NCKAP5: variants seen among roughly 807,000 people sequenced by gnomAD.
NCKAP5 encodes the protein nck-associated protein 5.
A neutral mutation model predicts 167.0 loss-of-function variants in NCKAP5; 92 were observed. The observed-to-expected ratio is 0.55, with a 90% CI of 0.47 to 0.66. The LOEUF is 0.66. Among genes scored for constraint, NCKAP5 ranks in the 30% least tolerant of loss-of-function variants. NCKAP5 has a pLI of 0.00. For missense variants in NCKAP5, 2,378 were observed against 2,315.0 expected, an observed-to-expected ratio of 1.03 and a Z score of -0.56; for synonymous variants, 891 against 877.4, an observed-to-expected ratio of 1.02 and a Z score of -0.27.
intron 3 of NCKAP5, among the ~76,000 whole-genome samples, chr2:133,308,565 A>T (rs114823701): frequency 0.011 from 1,665 of 152,242 alleles, 21 homozygotes; most frequent in South Asian, 0.018. Context: ...AATCAGATGA[A>T]AGCAAATGAT....
chr2:132,885,187 T>G (rs2148839676), intron 8 of NCKAP5, among the ~76,000 whole-genome samples: 1 of 148,110 alleles, frequency 6.8e-6, no homozygotes, highest in South Asian at 2.2e-4. Context: ...TGCTACCAAC[T>G]TAAGGCAACA....
chr2:133,172,164 T>G (rs2084276101), intron 5 of NCKAP5, among the ~76,000 whole-genome samples: 3 of 152,214 alleles, frequency 2.0e-5, no homozygotes, highest in African/African-American at 7.2e-5. Context: ...GCGTAAAATA[T>G]CTATACTTAA....
At chr2:133,637,490 A>C in the NCKAP5 span, among the ~76,000 whole-genome samples, 1 of 149,412 alleles carries the variant, frequency 6.7e-6, no homozygotes, top group African/African-American at 2.5e-5. Context: ...AAAAAAAAAA[A>C]AAAAAAAAAA....
intron 6 of NCKAP5, among the ~76,000 whole-genome samples, chr2:133,078,976 G>A (rs548245422): frequency 3.0e-4 from 46 of 152,120 alleles, no homozygotes; most frequent in Non-Finnish European, 5.6e-4. Flanking sequence ...CTGGAGGAAC[G>A]AGGCTCTTAG....
intron 4 of NCKAP5, among the ~76,000 whole-genome samples, chr2:133,271,776 A>G (rs901038001): frequency 6.6e-6 from 1 of 152,206 alleles, no homozygotes; most frequent in Non-Finnish European, 1.5e-5. Flanking sequence ...ATTAGCTGAT[A>G]TAATAGAATT....
At chr2:132,790,570 T>C (rs956935133) in intron 12 of NCKAP5, among the ~76,000 whole-genome samples, 1 of 152,196 alleles carries the variant, frequency 6.6e-6, no homozygotes, top group Non-Finnish European at 1.5e-5. Context: ...TGAATGTGTA[T>C]TTTGGCTCCA....
chr2:133,579,347 A>C, the NCKAP5 span, among the ~76,000 whole-genome samples: 2 of 152,232 alleles, frequency 1.3e-5, no homozygotes, highest in African/African-American at 4.8e-5. Flanking sequence ...ATGAAACTAA[A>C]GAAGGAGGTT....
At chr2:132,929,429 T>C (rs532883716) in intron 8 of NCKAP5, among the ~76,000 whole-genome samples, 6 of 152,216 alleles carry the variant, frequency 3.9e-5, no homozygotes, top group Non-Finnish European at 5.9e-5. Flanking sequence ...TGATTTGTGT[T>C]ACCTGAGTTA....
intron 3 of NCKAP5, among the ~76,000 whole-genome samples, chr2:133,463,984 T>A (rs1692367093): frequency 6.6e-6 from 1 of 152,174 alleles, no homozygotes; most frequent in Admixed American, 6.5e-5. Flanking sequence ...TTGGTGAGCA[T>A]CCCATTGGAC....
chr2:133,472,070 C>A (rs1679382190), intron 3 of NCKAP5, among the ~76,000 whole-genome samples: 1 of 152,106 alleles, frequency 6.6e-6, no homozygotes, highest in East Asian at 1.9e-4. Flanking sequence ...CATCCACAAT[C>A]CCACCATCTT....
chr2:132,951,815 C>T (rs1405603077), intron 8 of NCKAP5, among the ~76,000 whole-genome samples: 1 of 152,140 alleles, frequency 6.6e-6, no homozygotes, highest in Non-Finnish European at 1.5e-5. Context: ...TGGTTCTGTT[C>T]TGGGGACTGC....
chr2:133,471,797 A>C (rs1316287274), intron 3 of NCKAP5, among the ~76,000 whole-genome samples: 3 of 152,024 alleles, frequency 2.0e-5, no homozygotes, highest in Non-Finnish European at 2.9e-5. Flanking sequence ...ACTGTCTCTC[A>C]CCTCATCAGG....
chr2:133,013,634 C>A (rs896425382), intron 6 of NCKAP5, among the ~76,000 whole-genome samples: 15 of 152,136 alleles, frequency 9.9e-5, no homozygotes, highest in African/African-American at 3.1e-4. Flanking sequence ...AGTTACAATT[C>A]GAGATGAGAT....
chr2:133,537,334 T>C (rs1445157758), intron 2 of NCKAP5, among the ~76,000 whole-genome samples: 1 of 152,084 alleles, frequency 6.6e-6, no homozygotes, highest in Non-Finnish European at 1.5e-5. Flanking sequence ...AACTTATAAA[T>C]GTCTGCAAAA....
At chr2:133,078,206 C>T (rs545320557) in intron 6 of NCKAP5, among the ~76,000 whole-genome samples, 1 of 152,284 alleles carries the variant, frequency 6.6e-6, no homozygotes, top group East Asian at 1.9e-4. Context: ...GAAATGTGAT[C>T]AGTGCTTCCC....
At chr2:133,525,084 T>G (rs6720995) in intron 2 of NCKAP5, among the ~76,000 whole-genome samples, 15,170 of 152,216 alleles carry the variant, frequency 0.1, 1,237 homozygotes, top group African/African-American at 0.22. Flanking sequence ...CCAAATGATG[T>G]AATTTTCAAC....
At chr2:132,838,908 A>G (rs894326512) in intron 11 of NCKAP5, among the ~76,000 whole-genome samples, 1 of 152,232 alleles carries the variant, frequency 6.6e-6, no homozygotes. Context: ...TATTGCTAAT[A>G]TAATTAAGGA....
intron 8 of NCKAP5, among the ~76,000 whole-genome samples, chr2:132,900,156 G>A (rs564362841): frequency 6.6e-6 from 1 of 152,150 alleles, no homozygotes; most frequent in Admixed American, 6.5e-5. Flanking sequence ...TCACATCAAA[G>A]AACACTGATC....
chr2:133,057,600 T>C (rs2079849644), intron 6 of NCKAP5, among the ~76,000 whole-genome samples: 1 of 152,200 alleles, frequency 6.6e-6, no homozygotes, highest in African/African-American at 2.4e-5. Flanking sequence ...CTCTCTTCAA[T>C]TCTATGAAGC....
Sources: gnomAD v4.1 joint callset for allele counts (sites outside exome capture counted in the v4.1 genomes callset) on GRCh38, gnomAD v4.1.1 for gene constraint, MANE v1.5 for transcripts, NCBI Gene and HGNC (gene_info 2026-07-23, HGNC 2026-07-21) for gene names.